METTL25: variants seen among roughly 807,000 people sequenced by gnomAD.
METTL25 encodes probable methyltransferase-like protein 25.
Under a neutral mutation model 71.6 loss-of-function variants are expected in METTL25, and 64 were observed. The ratio of observed to expected loss-of-function variants is 0.89; its 90% CI spans 0.73 to 1.10. METTL25 has a LOEUF of 1.10. Among genes scored for constraint, METTL25 ranks in the 50% least tolerant of loss-of-function variants. METTL25 has a pLI of 0.00. For missense variants in METTL25, 807 were observed against 707.0 expected (o/e 1.14, Z -1.60); for synonymous variants, 287 against 250.3 (o/e 1.15, Z -1.38).
At position 82,473,292 on chromosome 12, in the gene METTL25, C is replaced by A. The variant is rs114334878; in HGVS notation, c.1573-3352C>A. On this transcript the variant is annotated intron_variant, in intron 9 of 11. Transcript: ENST00000248306. ...GGAGTACATATACACAGTTGCTTAG[C>A]CAGCCTGGGGTGTGGCTGCCAAGAG... 3.3e-3 allele frequency among the ~76,000 whole-genome samples: 504 copies of A among 152,162 alleles called. 3 individuals carry two copies. The highest frequency in any genetic ancestry group is 0.012 in the African/African-American group (481 of 41,530).
chr12:82,402,957 T>A (rs770343769), intron 4 of METTL25, 26 bp from the exon 5 acceptor site: 2 of 1,551,770 alleles, frequency 1.3e-6, no homozygotes, highest in Non-Finnish European at 1.7e-6. Flanking sequence ...ATTACCAAAT[T>A]TTATTTTTCT....
intron 5 of METTL25, among the ~76,000 whole-genome samples, chr12:82,429,021 C>T (rs1033600310): frequency 1.3e-5 from 2 of 151,814 alleles, no homozygotes; most frequent in South Asian, 2.1e-4. Flanking sequence ...TCACTTCAAG[C>T]ATTTATCATT....
At chr12:82,463,483 G>A (rs1420640846) in intron 9 of METTL25, among the ~76,000 whole-genome samples, 1 of 151,928 alleles carries the variant, frequency 6.6e-6, no homozygotes, top group Non-Finnish European at 1.5e-5. Context: ...CTGTTAATCT[G>A]TTGATGGACA....
At chr12:82,411,974 C>T (rs1887590219) in intron 5 of METTL25, among the ~76,000 whole-genome samples, 3 of 152,068 alleles carry the variant, frequency 2.0e-5, no homozygotes, top group African/African-American at 7.2e-5. Context: ...TTTATTTCCT[C>T]TTCCAAACGT....
chr12:82,406,186 C>T (rs1047705951), intron 5 of METTL25, among the ~76,000 whole-genome samples: 6 of 152,212 alleles, frequency 3.9e-5, no homozygotes, highest in East Asian at 1.9e-4. Flanking sequence ...AATGAGATAT[C>T]GTGTTCACCC....
intron 8 of METTL25, among the ~76,000 whole-genome samples, chr12:82,449,867 C>T (rs2137230432): frequency 6.6e-6 from 1 of 152,188 alleles, no homozygotes; most frequent in East Asian, 1.9e-4. Flanking sequence ...TAGCAAAATT[C>T]CTTGAAAGTG....
intron 5 of METTL25, among the ~76,000 whole-genome samples, chr12:82,426,042 G>A (rs1208750632): frequency 1.3e-5 from 2 of 152,012 alleles, no homozygotes; most frequent in Non-Finnish European, 1.5e-5. Context: ...TTGAATATGG[G>A]TATATGAATG....
chr12:82,469,753 T>C (rs1892461810), intron 9 of METTL25, among the ~76,000 whole-genome samples: 1 of 152,028 alleles, frequency 6.6e-6, no homozygotes. Context: ...AATGGTGCAC[T>C]TTGAGGTTTT....
At chr12:82,398,427 T>TG (rs1181380480) in intron 3 of METTL25, among the ~76,000 whole-genome samples, 16 of 152,014 alleles carry the variant, frequency 1.1e-4, no homozygotes. Flanking sequence ...GATGATTCGT[T>TG]GTTAATTCTA....
At chr12:82,394,026 A>T (rs1270895390) in intron 3 of METTL25, among the ~76,000 whole-genome samples, 3 of 151,924 alleles carry the variant, frequency 2.0e-5, no homozygotes, top group Non-Finnish European at 4.4e-5. Context: ...ATGTTGTTTC[A>T]TTCCCATGTG....
chr12:82,379,076 A>G (rs548694260), intron 1 of METTL25, among the ~76,000 whole-genome samples: 31 of 152,150 alleles, frequency 2.0e-4, no homozygotes, highest in Non-Finnish European at 4.0e-4. Flanking sequence ...GACAAGTCTT[A>G]ATTATTTTTG....
Position 82,478,828 on chromosome 12 carries a change from C to T in METTL25, c.1720-104C>T, listed in dbSNP as rs1049467463. 1.3e-5 allele frequency: 11 copies of T among 866,128 alleles called. No homozygotes were observed. In the Admixed American group the frequency reaches 1.9e-4, roughly 15 times the overall value. 53.7% of individuals were successfully genotyped at this position (866,128 alleles called of 1,614,324 possible). A position where few individuals can be genotyped will look rare whatever the true frequency, so the allele number is the denominator to read the frequency against. ...AGCATAAGAATTTTCTGTGAAACAG[C>T]TTTGTTTTTATGTATTTTTTATATT... On this transcript the variant is annotated intron_variant, in intron 11 of 11. Coordinates refer to ENST00000248306, the MANE Select transcript of METTL25 (RefSeq NM_032230.3).
intron 5 of METTL25, among the ~76,000 whole-genome samples, chr12:82,404,108 C>T (rs1045310151): frequency 6.6e-6 from 1 of 152,020 alleles, no homozygotes; most frequent in African/African-American, 2.4e-5. Flanking sequence ...AGAATTGGCA[C>T]ACATTTTTAC....
intron 5 of METTL25, among the ~76,000 whole-genome samples, chr12:82,414,993 C>T (rs79526625): frequency 0.057 from 8,597 of 152,096 alleles, 322 homozygotes; most frequent in African/African-American, 0.11. Context: ...ATATGTGTCT[C>T]ATTATAAATT....
intron 7 of METTL25, among the ~76,000 whole-genome samples, chr12:82,435,047 A>AT (rs1397178471): frequency 2.6e-5 from 4 of 151,532 alleles, no homozygotes; most frequent in African/African-American, 9.7e-5. Flanking sequence ...AAGATAACCT[A>AT]TATTATTCAG....
chr12:82,367,663 C>G (rs1882715940), intron 1 of METTL25, among the ~76,000 whole-genome samples: 1 of 152,158 alleles, frequency 6.6e-6, no homozygotes, highest in Non-Finnish European at 1.5e-5. Context: ...ATTCATGTTG[C>G]CACTCAACAG....
At chr12:82,431,824 G>T (rs1889522394) in intron 6 of METTL25, among the ~76,000 whole-genome samples, 1 of 151,618 alleles carries the variant, frequency 6.6e-6, no homozygotes, top group African/African-American at 2.4e-5. Flanking sequence ...TACTTTAAAT[G>T]TGGTCAGAAC....
intron 1 of METTL25, among the ~76,000 whole-genome samples, chr12:82,369,199 A>T (rs890716995): frequency 6.6e-6 from 1 of 152,184 alleles, no homozygotes; most frequent in Admixed American, 6.5e-5. Context: ...TAATGAAATT[A>T]CTCATTGTAT....
rs552177632 is a variant in METTL25, at chr12:82,417,838, GTTGTT to G, written c.1280-13054_1280-13050del. On this transcript the variant is annotated intron_variant, in intron 5 of 11. Transcript: ENST00000248306. Reference sequence around the variant, plus strand: ...ATATAGGGTAGCCAGGAGAAGCTTTGTTGTTAAGATGACGTTGAGCAGACAGTTGA... The same window carrying G: ...ATATAGGGTAGCCAGGAGAAGCTTTGAAGATGACGTTGAGCAGACAGTTGA... 2.2e-3 allele frequency among the ~76,000 whole-genome samples: 335 copies of G among 152,216 alleles called. 1 individual carries two copies. Among genetic ancestry groups the G allele is most frequent in the South Asian group, 0.02 (97 of 4,820 alleles).
Sources: allele counts gnomAD v4.1 joint callset (sites outside exome capture counted in the v4.1 genomes callset), GRCh38; gene constraint gnomAD v4.1.1; transcripts MANE v1.5; gene names NCBI Gene and HGNC (gene_info 2026-07-23, HGNC 2026-07-21).